PCSK2: variants seen among roughly 807,000 people sequenced by gnomAD.
The protein encoded by PCSK2 is proprotein convertase subtilisin/kexin type 2.
Under a neutral mutation model 69.7 loss-of-function variants are expected in PCSK2, and 14 were observed. The ratio of observed to expected loss-of-function variants is 0.20; its 90% CI spans 0.13 to 0.31. The LOEUF is 0.31. Among genes scored for constraint, PCSK2 ranks in the 10% least tolerant of loss-of-function variants. The pLI is 1.00. For missense variants in PCSK2, 544 were observed against 842.5 expected, an observed-to-expected ratio of 0.65 and a Z score of 4.39; for synonymous variants, 307 against 320.7, an observed-to-expected ratio of 0.96 and a Z score of 0.46.
chr20:17,431,249 T>C (rs1016630412), intron 7 of PCSK2, among the ~76,000 whole-genome samples: 6 of 152,142 alleles, frequency 3.9e-5, no homozygotes, highest in South Asian at 4.1e-4. Context: ...CCCCTCAGAA[T>C]TGACCCCGCT....
intron 2 of PCSK2, among the ~76,000 whole-genome samples, chr20:17,346,478 C>T (rs922034217): frequency 1.9e-4 from 29 of 152,166 alleles, no homozygotes; most frequent in Admixed American, 1.5e-3. Context: ...CTTTAGCCTG[C>T]CTGCAATGGA....
chr20:17,379,112 C>T lies in PCSK2; in HGVS notation c.543+9835C>T, dbSNP rs73900266. ...TTCACTTTGTCCCTCTCCTCATGTG[C>T]CTGTTTCCCAATCATACTGTCTTAA... On this transcript the variant is annotated intron_variant, in intron 5 of 11. Transcript: ENST00000262545. 8.4e-3 allele frequency among the ~76,000 whole-genome samples: 1,274 copies of T among 152,322 alleles called. 21 individuals are homozygous for T. The highest frequency in any genetic ancestry group is 0.029 in the African/African-American group (1,226 of 41,560).
intron 2 of PCSK2, among the ~76,000 whole-genome samples, chr20:17,269,961 G>C (rs1987797512): frequency 6.6e-6 from 1 of 152,066 alleles, no homozygotes; most frequent in Non-Finnish European, 1.5e-5. Flanking sequence ...GAAAGATATA[G>C]TTTTTAAAAG....
chr20:17,398,225 A>G (rs1411792827), intron 5 of PCSK2, among the ~76,000 whole-genome samples: 1 of 152,134 alleles, frequency 6.6e-6, no homozygotes, highest in Non-Finnish European at 1.5e-5. Context: ...CCATTTCACA[A>G]ATAAAAGAAT....
At chr20:17,279,997 A>AT (rs1303777617) in intron 2 of PCSK2, among the ~76,000 whole-genome samples, 2 of 152,052 alleles carry the variant, frequency 1.3e-5, no homozygotes, top group African/African-American at 4.8e-5. Flanking sequence ...AAGACAAAAA[A>AT]AAAAAACACA....
At chr20:17,398,459 G>C (rs2031562630) in intron 5 of PCSK2, among the ~76,000 whole-genome samples, 1 of 150,530 alleles carries the variant, frequency 6.6e-6, no homozygotes, top group African/African-American at 2.5e-5. Context: ...AGGAGTTGGA[G>C]GCTGCAGTGA....
chr20:17,481,459 AAACCC>A, intron 11 of PCSK2, 120 bp from the exon 12 acceptor site: 1 of 756,740 alleles, frequency 1.3e-6, no homozygotes, highest in Non-Finnish European at 2.2e-6. Context: ...TGTGGGAACT[AAACCC>A]AGGTCTGATT....
chr20:17,391,990 G>T (rs1355651065), intron 5 of PCSK2, among the ~76,000 whole-genome samples: 2 of 144,216 alleles, frequency 1.4e-5, no homozygotes, highest in Non-Finnish European at 3.1e-5. Flanking sequence ...AGGGAAGGAA[G>T]GAAAGGAAGG....
chr20:17,303,553 A>AG (rs1989224279), intron 2 of PCSK2, among the ~76,000 whole-genome samples: 1 of 55,686 alleles, frequency 1.8e-5, no homozygotes, highest in Non-Finnish European at 3.7e-5. Flanking sequence ...ATATGATATA[A>AG]TATATATTAT....
At chr20:17,229,274 G>A (rs948416519) in intron 1 of PCSK2, among the ~76,000 whole-genome samples, 1 of 151,758 alleles carries the variant, frequency 6.6e-6, no homozygotes, top group African/African-American at 2.4e-5. Context: ...TTTCAGAAGT[G>A]AACCCATGCT....
chr20:17,408,854 C>G (rs1179327631), intron 5 of PCSK2, among the ~76,000 whole-genome samples: 2 of 152,208 alleles, frequency 1.3e-5, no homozygotes, highest in Admixed American at 6.5e-5. Flanking sequence ...CAAGGAAACT[C>G]TAGAGGCCAT....
chr20:17,388,739 C>G (rs548433542), intron 5 of PCSK2, among the ~76,000 whole-genome samples: 4 of 152,028 alleles, frequency 2.6e-5, no homozygotes, highest in African/African-American at 9.7e-5. Context: ...CCACAGAGAG[C>G]GCTGAATAGC....
chr20:17,240,706 G>C (rs1315801148), intron 1 of PCSK2, among the ~76,000 whole-genome samples: 6 of 152,200 alleles, frequency 3.9e-5, no homozygotes, highest in Non-Finnish European at 8.8e-5. Flanking sequence ...TCATTACCTA[G>C]GTGTCACTCT....
At chr20:17,251,974 C>T (rs1293067514) in intron 1 of PCSK2, among the ~76,000 whole-genome samples, 1 of 152,194 alleles carries the variant, frequency 6.6e-6, no homozygotes, top group Non-Finnish European at 1.5e-5. Flanking sequence ...ACATGCTTCT[C>T]AATGTTGCCT....
chr20:17,287,270 A>T (rs1305126668), intron 2 of PCSK2, among the ~76,000 whole-genome samples: 6 of 152,214 alleles, frequency 3.9e-5, no homozygotes, highest in African/African-American at 1.2e-4. Context: ...TGGGCAAGAC[A>T]GACAAAGTCA....
chr20:17,432,654 T>A, intron 7 of PCSK2, among the ~76,000 whole-genome samples: 1 of 152,208 alleles, frequency 6.6e-6, no homozygotes, highest in East Asian at 1.9e-4. Flanking sequence ...TTATTCAAAA[T>A]CCACAAAACC....
At chr20:17,301,729 G>A (rs1183400420) in intron 2 of PCSK2, among the ~76,000 whole-genome samples, 49 of 152,062 alleles carry the variant, frequency 3.2e-4, no homozygotes, top group East Asian at 1.9e-4. Flanking sequence ...CCAGGAGTTC[G>A]AGACCAGCCT....
intron 8 of PCSK2, among the ~76,000 whole-genome samples, chr20:17,449,619 C>T (rs1458157791): frequency 6.9e-6 from 1 of 143,998 alleles, no homozygotes; most frequent in Non-Finnish European, 1.5e-5. Context: ...CAACCTCCGC[C>T]TCCTGGGTTC....
chr20:17,314,557 G>T (rs1010160660), intron 2 of PCSK2, among the ~76,000 whole-genome samples: 3 of 152,222 alleles, frequency 2.0e-5, no homozygotes, highest in African/African-American at 7.2e-5. Flanking sequence ...ACAAGTCTGT[G>T]CAGTGGCCTA....
Sources: allele counts gnomAD v4.1 joint callset (sites outside exome capture counted in the v4.1 genomes callset), GRCh38; gene constraint gnomAD v4.1.1; transcripts MANE v1.5; gene names NCBI Gene and HGNC (gene_info 2026-07-23, HGNC 2026-07-21).